The following DNAH7 variants were observed in gnomAD, a reference collection of about 807,000 sequenced individuals.
The protein encoded by DNAH7 is axonemal beta dynein heavy chain 7.
DNAH7 carries 397 observed loss-of-function variants against 444.6 expected under a neutral mutation model. That is an observed-to-expected ratio of 0.89 (90% CI 0.82 to 0.97). The LOEUF (loss-of-function observed/expected upper bound fraction) is 0.97. Ranked by LOEUF, DNAH7 falls within the 50% of genes least tolerant of loss-of-function variation. DNAH7 has a pLI of 0.00. For missense variants in DNAH7, 4,902 were observed against 4,800.8 expected (o/e 1.02, Z -0.62); for synonymous variants, 1,636 against 1,624.4 (o/e 1.01, Z -0.17).
At chr2:195,767,419 C>G (rs1038878142) in intron 61 of DNAH7, among the ~76,000 whole-genome samples, 3 of 151,970 alleles carry the variant, frequency 2.0e-5, no homozygotes, top group Admixed American at 1.3e-4. Context: ...AATCAGTGTT[C>G]CATATACACC....
rs146789659 is a variant in DNAH7, at chr2:195,891,010, C to T, written c.5046+645G>A. 8.0e-3 allele frequency among the ~76,000 whole-genome samples: 1,218 copies of T among 152,322 alleles called. 9 individuals are homozygous for T. Among genetic ancestry groups the T allele is most frequent in the South Asian group, 0.021 (101 of 4,828 alleles). On this transcript the variant is annotated intron_variant, in intron 31 of 64. Transcript: ENST00000312428. ...ATAATCACATGCTCTGCAGAACCTG[C>T]TAAAATATGGCAACCAAGTTAATAT... is the stretch of plus-strand genomic sequence containing the variant.
At chr2:195,920,994 G>T (rs970683040) in intron 24 of DNAH7, among the ~76,000 whole-genome samples, 1 of 152,260 alleles carries the variant, frequency 6.6e-6, no homozygotes, top group East Asian at 1.9e-4. Flanking sequence ...TCAGGGAAAT[G>T]CAAATCAAAA....
chr2:195,969,005 T>C (rs959745528), intron 17 of DNAH7, among the ~76,000 whole-genome samples: 3 of 152,272 alleles, frequency 2.0e-5, no homozygotes, highest in African/African-American at 7.2e-5. Context: ...TATTGGGGAA[T>C]GCGGAGGGGC....
Position 195,926,031 on chromosome 2 carries a change from G to A in DNAH7, c.3612+395C>T, listed in dbSNP as rs76867454. On this transcript the variant is annotated intron_variant, in intron 22 of 64. Coordinates refer to ENST00000312428, the MANE Select transcript of DNAH7 (RefSeq NM_018897.3). ...AAAAACAGTCACAATAAGTCAACTG[G>A]AGCCTTATCTATATAGGGTAGTTTT... 6.2e-4 allele frequency among the ~76,000 whole-genome samples: 95 copies of A among 152,004 alleles called. 1 individual carries two copies. In the East Asian group the frequency reaches 0.015, roughly 24 times the overall value.
chr2:195,900,225 T>G, intron 28 of DNAH7, 57 bp downstream of exon 28: 1 of 1,564,612 alleles, frequency 6.4e-7, no homozygotes, highest in Non-Finnish European at 8.8e-7. Flanking sequence ...TGAAGACCCA[T>G]TAGGCTGGAA....
At chr2:195,889,368 C>A (rs187426554) in intron 31 of DNAH7, among the ~76,000 whole-genome samples, 3 of 150,284 alleles carry the variant, frequency 2.0e-5, no homozygotes, top group Admixed American at 6.7e-5. Flanking sequence ...GGCTGGAGGG[C>A]AGAGTGGGGT....
At chr2:195,796,178 G>A (rs1311939920) in intron 56 of DNAH7, among the ~76,000 whole-genome samples, 3 of 152,330 alleles carry the variant, frequency 2.0e-5, no homozygotes, top group Admixed American at 1.3e-4. Flanking sequence ...AAAGAAAAGT[G>A]ACATTCTGAA....
At chr2:196,057,551 C>T (rs1258402586) in intron 2 of DNAH7, among the ~76,000 whole-genome samples, 1 of 152,108 alleles carries the variant, frequency 6.6e-6, no homozygotes, top group East Asian at 1.9e-4. Context: ...TGAATAAGTA[C>T]ACAATTAAAA....
At position 195,864,380 on chromosome 2, in the gene DNAH7, A is replaced by T. The variant is rs747695823; in HGVS notation, c.7275T>A (p.Phe2425Leu). The change falls in exon 41 of 65, where the codon TTT becomes TTA. Residue 2425 changes from phenylalanine to leucine, a missense_variant. Physicochemically the swap from Phe to Leu is conservative, Grantham distance 22. Transcript: ENST00000312428. ...ATATCTCTTGCTTCTCATCTAATGCAAAGAGATTTGGAATCTCCCCAGCAT... is the reference window on the plus strand; with the variant it reads ...ATATCTCTTGCTTCTCATCTAATGCTAAGAGATTTGGAATCTCCCCAGCAT... ...LLNAGEIPNL[F>L]ALDEKQEICD... 1.9e-6 allele frequency: 3 copies of T among 1,614,180 alleles called. No individual in the cohort carries two copies. Among genetic ancestry groups the T allele is most frequent in the Non-Finnish European group, 2.5e-6 (3 of 1,180,034 alleles).
At chr2:195,741,846 C>T (rs1257762968) in intron 63 of DNAH7, among the ~76,000 whole-genome samples, 1 of 152,112 alleles carries the variant, frequency 6.6e-6, no homozygotes, top group African/African-American at 2.4e-5. Flanking sequence ...ATGGTAGCCG[C>T]TAGCTATAAG....
chr2:195,816,970 T>A lies in DNAH7; in HGVS notation c.9426-7A>T. On this transcript the variant is annotated splice_region_variant and splice_polypyrimidine_tract_variant and intron_variant, in intron 50 of 64. Coordinates refer to ENST00000312428, the MANE Select transcript of DNAH7 (RefSeq NM_018897.3). Reference sequence around the variant, plus strand: ...TTCTATTTCTTTTAACTGCCTGGAATAAAACAAAATTTTCTTAGAAGAAAA... The same window carrying A: ...TTCTATTTCTTTTAACTGCCTGGAAAAAAACAAAATTTTCTTAGAAGAAAA... The A allele has an allele frequency of 6.4e-7, 1 of 1,552,472 alleles. No homozygotes were observed. The highest frequency in any genetic ancestry group is 2.3e-5 in the East Asian group (1 of 44,210).
chr2:195,957,984 A>C (rs1487924016), intron 18 of DNAH7, among the ~76,000 whole-genome samples: 1 of 152,030 alleles, frequency 6.6e-6, no homozygotes, highest in Non-Finnish European at 1.5e-5. Flanking sequence ...CTTTTCCTTT[A>C]ATGTTCTTTT....
rs1407861248 is a variant in DNAH7, at chr2:195,809,833, T to C, written c.9800A>G (p.Tyr3267Cys). 2.5e-6 allele frequency: 4 copies of C among 1,591,318 alleles called. No homozygotes were observed. The highest frequency in any genetic ancestry group is 2.6e-6 in the Non-Finnish European group (3 of 1,168,378). Residue 3267 changes from tyrosine to cysteine, a missense_variant, in exon 52 of 65, where the codon TAT (tyrosine) becomes TGT (cysteine). Transcript: ENST00000312428. ...AAAGAGTGACCGGCAGACATTAACA[T>C]ACAGTGAATAAGTAAAGTGATCCTT... Reference protein sequence around the residue: ...ILKDHFTYSLYVNVCRSLFEK... With the variant: ...ILKDHFTYSLCVNVCRSLFEK...
intron 40 of DNAH7, among the ~76,000 whole-genome samples, chr2:195,868,147 G>A (rs950772823): frequency 7.1e-6 from 1 of 140,228 alleles, no homozygotes; most frequent in Non-Finnish European, 1.5e-5. Flanking sequence ...CCAGGTTGGA[G>A]TGCAGTGGTG....
Position 195,864,926 on chromosome 2 carries a change from T to G in DNAH7, c.6729A>C (p.Glu2243Asp), listed in dbSNP as rs115321388. The G allele has an allele frequency of 3.3e-4, 536 of 1,612,330 alleles. 1 individual carries two copies. The African/African-American group carries it at 6.6e-3, about 20-fold the overall frequency. The change falls in exon 41 of 65, where the codon GAA (glutamate) becomes GAC (aspartate). Residue 2243 changes from glutamate (E) to aspartate (D), a missense_variant. Physicochemically the swap from Glu to Asp is conservative, Grantham distance 45. Transcript: ENST00000312428. ...IQEILRNYMY[E>D]DFHELFQRLD... is the part of the protein sequence containing the mutation. ...AACGCTGAAAAAGCTCATGAAAATCTTCATACATGTAGTTTCTCAAAATTT... is the reference window on the plus strand; with the variant it reads ...AACGCTGAAAAAGCTCATGAAAATCGTCATACATGTAGTTTCTCAAAATTT...
chr2:195,799,349 G>C lies in DNAH7; in HGVS notation c.10300C>G (p.Leu3434Val), dbSNP rs200895855. The C allele has an allele frequency of 1.2e-6, 2 of 1,611,686 alleles. No individual in the cohort carries two copies. ...SNCCAPLIFV[L>V]SPGADPMAAL... ...GCCATGGGATCTGCTCCAGGAGAGA[G>C]CACGAAAATCAGTGGTGCACAGCAG... The change falls in exon 55 of 65, where the codon CTC (leucine) becomes GTC (valine). Residue 3434 changes from leucine (L) to valine (V), a missense_variant. Leu to Val is a conservative substitution (Grantham distance 32). Transcript: ENST00000312428.
chr2:195,955,370 T>C (rs999468498), intron 19 of DNAH7, among the ~76,000 whole-genome samples: 1 of 152,076 alleles, frequency 6.6e-6, no homozygotes, highest in Non-Finnish European at 1.5e-5. Context: ...CTCTCTTCTG[T>C]TCCATTGGTC....
chr2:195,819,757 C>T (rs1228543112), intron 49 of DNAH7, among the ~76,000 whole-genome samples: 3 of 152,212 alleles, frequency 2.0e-5, no homozygotes, highest in South Asian at 2.1e-4. Flanking sequence ...AAAACTTAAG[C>T]GTGATCAGCA....
At chr2:196,060,370 A>T (rs1430835561) in intron 1 of DNAH7, among the ~76,000 whole-genome samples, 1 of 152,166 alleles carries the variant, frequency 6.6e-6, no homozygotes, top group African/African-American at 2.4e-5. Flanking sequence ...TTTATTTTCA[A>T]TGTATATGTC....
Sources: gnomAD v4.1 joint callset for allele counts (sites outside exome capture counted in the v4.1 genomes callset) on GRCh38, gnomAD v4.1.1 for gene constraint, MANE v1.5 for transcripts, NCBI Gene and HGNC (gene_info 2026-07-23, HGNC 2026-07-21) for gene names.